The following TNS3 variants were observed in gnomAD, a reference collection of about 807,000 sequenced individuals.
TNS3 encodes the protein tensin-3.
TNS3 carries 45 observed loss-of-function variants against 140.9 expected under a neutral mutation model. That is an observed-to-expected ratio of 0.32 (90% CI 0.25 to 0.41). TNS3 has a LOEUF of 0.41. TNS3 is among the 10% of genes least tolerant of loss of function. The pLI is 1.00. For missense variants in TNS3, 1,716 were observed against 1,906.7 expected (o/e 0.90, Z 1.86); for synonymous variants, 815 against 788.4 (o/e 1.03, Z -0.56).
chr7:47,561,250 T>C (rs1800314168), intron 1 of TNS3, among the ~76,000 whole-genome samples: 1 of 152,176 alleles, frequency 6.6e-6, no homozygotes, highest in Non-Finnish European at 1.5e-5. Context: ...CTCAAATCCC[T>C]GGCACCTTAT....
chr7:47,555,153 C>T (rs1166187433), intron 1 of TNS3, among the ~76,000 whole-genome samples: 6 of 152,110 alleles, frequency 3.9e-5, no homozygotes, highest in Non-Finnish European at 8.8e-5. Context: ...GTAATCCCAG[C>T]ACTTTGGGAG....
At chr7:47,413,367 C>T (rs1282331695) in intron 12 of TNS3, among the ~76,000 whole-genome samples, 1 of 150,174 alleles carries the variant, frequency 6.7e-6, no homozygotes, top group African/African-American at 2.5e-5. Flanking sequence ...ATTCTCCTGC[C>T]TCCACCTCGA....
chr7:47,362,395 TC>T (rs1026429358), intron 17 of TNS3, among the ~76,000 whole-genome samples: 1 of 151,942 alleles, frequency 6.6e-6, no homozygotes, highest in Non-Finnish European at 1.5e-5. Flanking sequence ...GCGATAAATC[TC>T]CCCTCAGTGC....
intron 1 of TNS3, among the ~76,000 whole-genome samples, chr7:47,547,310 A>G (rs1799948481): frequency 6.6e-6 from 1 of 152,064 alleles, no homozygotes; most frequent in East Asian, 1.9e-4. Flanking sequence ...TAAGAGAGAT[A>G]AGGGGCCTGT....
intron 20 of TNS3, among the ~76,000 whole-genome samples, chr7:47,310,277 G>C (rs1218864561): frequency 6.6e-6 from 1 of 152,174 alleles, no homozygotes; most frequent in Non-Finnish European, 1.5e-5. Flanking sequence ...ATCTAAAAAA[G>C]ATCAGCAGGG....
At chr7:47,422,037 C>T (rs775283340) in intron 10 of TNS3, among the ~76,000 whole-genome samples, 12 of 152,228 alleles carry the variant, frequency 7.9e-5, no homozygotes, top group Non-Finnish European at 1.3e-4. Context: ...TATTCCCATA[C>T]AAGCTGTCCT....
At chr7:47,483,557 T>A (rs961379111) in intron 3 of TNS3, among the ~76,000 whole-genome samples, 1 of 152,210 alleles carries the variant, frequency 6.6e-6, no homozygotes, top group Admixed American at 6.5e-5. Context: ...GAAGCACACG[T>A]TTGTTGAGAC....
intron 16 of TNS3, among the ~76,000 whole-genome samples, chr7:47,384,365 C>T (rs901041509): frequency 6.6e-6 from 1 of 152,222 alleles, no homozygotes; most frequent in Non-Finnish European, 1.5e-5. Flanking sequence ...GAAACTGGTA[C>T]CCCTGGCTAC....
At chr7:47,435,455 G>A (rs202022491) in intron 7 of TNS3, 51 bp from the exon 8 acceptor site, 164 of 1,606,072 alleles carry the variant, frequency 1.0e-4, no homozygotes, top group East Asian at 1.1e-4. Context: ...AAAACCTTCT[G>A]AGGCCATCTC....
chr7:47,477,830 G>A lies in TNS3; in HGVS notation c.-76+3273C>T, dbSNP rs149823922. On this transcript the variant is annotated intron_variant, in intron 4 of 30. Transcript: ENST00000311160. Reference sequence around the variant, plus strand: ...TGCCCTGAGAAGCCACACGGTGCAGGCGGAAACCCTCCTGCCCAAGCTCCG... The same window carrying A: ...TGCCCTGAGAAGCCACACGGTGCAGACGGAAACCCTCCTGCCCAAGCTCCG... Among the ~76,000 whole-genome samples, 446 of 152,302 alleles carry A rather than the reference G, an allele frequency of 2.9e-3. 5 individuals are homozygous for A. The highest frequency in any genetic ancestry group is 0.01 in the African/African-American group (431 of 41,556).
intron 5 of TNS3, 42 bp downstream of exon 5, chr7:47,441,961 C>T: frequency 1.6e-6 from 2 of 1,273,756 alleles, no homozygotes; most frequent in Non-Finnish European, 2.1e-6. Flanking sequence ...AGCTGACCTA[C>T]AGCCAGAGAC....
chr7:47,502,550 G>A (rs1178236939), intron 3 of TNS3, among the ~76,000 whole-genome samples: 2 of 152,222 alleles, frequency 1.3e-5, no homozygotes, highest in Admixed American at 1.3e-4. Flanking sequence ...CCTGATGGGA[G>A]AGCCCAGCAA....
intron 4 of TNS3, among the ~76,000 whole-genome samples, chr7:47,460,489 T>C (rs1201392323): frequency 6.6e-6 from 1 of 152,094 alleles, no homozygotes; most frequent in Admixed American, 6.6e-5. Context: ...AGATGCCTGG[T>C]GGGTGTTTGG....
In TNS3 at chr7:47,413,174, A is replaced by G. The variant is rs550529709; in HGVS notation, c.647+763T>C. The stretch of plus-strand genomic sequence containing the variant: ...TCACCATATTGGCCAGGATGGTCTC[A>G]ATCTCTTGACCTTGTGATCAGCCCA... On this transcript the variant is annotated intron_variant, in intron 12 of 30. Transcript: ENST00000311160. Among the ~76,000 whole-genome samples, 38 of 150,464 alleles carry G rather than the reference A, an allele frequency of 2.5e-4. No individual in the cohort carries two copies. In the South Asian group the frequency reaches 7.6e-3, roughly 30 times the overall value.
intron 8 of TNS3, among the ~76,000 whole-genome samples, chr7:47,429,531 CT>C (rs1335444116): frequency 6.6e-6 from 1 of 152,134 alleles, no homozygotes; most frequent in Admixed American, 6.5e-5. Flanking sequence ...CCATACCCAG[CT>C]AATTTTTTGT....
chr7:47,322,693 A>G (rs935493844), intron 20 of TNS3, among the ~76,000 whole-genome samples: 10 of 152,216 alleles, frequency 6.6e-5, no homozygotes, highest in African/African-American at 2.4e-4. Flanking sequence ...GAGTGCCTAA[A>G]TATTCTAAGT....
rs151095475 is a variant in TNS3 at position 47,519,018 on chromosome 7, G to A, written c.-153+10018C>T. 4.8e-3 allele frequency among the ~76,000 whole-genome samples: 736 copies of A among 152,264 alleles called. 1 individual carries two copies. The highest frequency in any genetic ancestry group is 6.8e-3 in the Middle Eastern group (2 of 294). On this transcript the variant is annotated intron_variant, in intron 2 of 30. Transcript: ENST00000311160. ...TCAAGAGCTGACAGAGTCCTTTTACGTCCCTTGACTCACATGTTCCTCCAA... is the reference window on the plus strand; with the variant it reads ...TCAAGAGCTGACAGAGTCCTTTTACATCCCTTGACTCACATGTTCCTCCAA...
intron 3 of TNS3, among the ~76,000 whole-genome samples, chr7:47,492,360 G>A (rs969528134): frequency 1.3e-5 from 2 of 152,216 alleles, no homozygotes; most frequent in Non-Finnish European, 2.9e-5. Context: ...CCTGCCTGCC[G>A]CACGGTAGAC....
At chr7:47,340,546 T>G (rs1268437926) in intron 20 of TNS3, among the ~76,000 whole-genome samples, 1 of 152,050 alleles carries the variant, frequency 6.6e-6, no homozygotes, top group African/African-American at 2.4e-5. Flanking sequence ...TTTCACTTTT[T>G]GTTGTTGTTT....
Sources: gnomAD v4.1 joint callset for allele counts (sites outside exome capture counted in the v4.1 genomes callset) on GRCh38, gnomAD v4.1.1 for gene constraint, MANE v1.5 for transcripts, NCBI Gene and HGNC (gene_info 2026-07-23, HGNC 2026-07-21) for gene names.